JAKMIP2: variants seen among roughly 807,000 people sequenced by gnomAD.
The protein encoded by JAKMIP2 is janus kinase and microtubule-interacting protein 2.
JAKMIP2 carries 25 observed loss-of-function variants against 115.0 expected under a neutral mutation model. The ratio of observed to expected loss-of-function variants is 0.22; its 90% CI spans 0.16 to 0.30. JAKMIP2 has a LOEUF of 0.30. JAKMIP2 is among the 10% of genes least tolerant of loss of function. The pLI is 1.00. For synonymous variants in JAKMIP2, 334 were observed against 343.6 expected, an observed-to-expected ratio of 0.97 and a Z score of 0.31; for missense variants, 642 against 957.6, an observed-to-expected ratio of 0.67 and a Z score of 4.35.
At chr5:147,770,706 G>T (rs933111638) in intron 1 of JAKMIP2, among the ~76,000 whole-genome samples, 1 of 151,922 alleles carries the variant, frequency 6.6e-6, no homozygotes, top group African/African-American at 2.4e-5. Flanking sequence ...TGGAGGAAAA[G>T]AAAATGTTTA....
chr5:147,639,801 G>A (rs750551746), intron 9 of JAKMIP2, 41 bp from the exon 10 acceptor site: 4 of 1,595,940 alleles, frequency 2.5e-6, no homozygotes, highest in East Asian at 2.2e-5. Context: ...ATTGTGTTAT[G>A]TTCAGGTCCT....
intron 1 of JAKMIP2, among the ~76,000 whole-genome samples, chr5:147,701,668 C>G (rs1752330092): frequency 6.6e-6 from 1 of 152,128 alleles, no homozygotes. Flanking sequence ...TCACACAGCA[C>G]CAAATTTGAA....
In JAKMIP2 at chr5:147,590,920, A is replaced by T. The variant is rs560184038; in HGVS notation, c.*787T>A. On this transcript the variant is annotated 3_prime_UTR_variant, in exon 22 of 22. Coordinates refer to ENST00000616793, the MANE Select transcript of JAKMIP2 (RefSeq NM_001270941.2). ...AGCATCGAATCTGCTTTTATTTCAC[A>T]TGTCACATTCGCTCGGGTCCTTTGA... 4 of 152,464 alleles carry T rather than the reference A, an allele frequency of 2.6e-5. No individual in the cohort carries two copies. In the South Asian group the frequency reaches 8.3e-4, roughly 32 times the overall value. The allele number at this position is 152,464 out of a possible 1,614,324, so 9.4% of individuals were successfully genotyped here. A position where few individuals can be genotyped will look rare whatever the true frequency, so the allele number is the denominator to read the frequency against.
chr5:147,743,278 T>C (rs1288823154), intron 1 of JAKMIP2, among the ~76,000 whole-genome samples: 5 of 152,194 alleles, frequency 3.3e-5, no homozygotes, highest in African/African-American at 1.2e-4. Flanking sequence ...ATAAAACTTA[T>C]CCACTTAATT....
intron 1 of JAKMIP2, among the ~76,000 whole-genome samples, chr5:147,721,395 C>T (rs1412637632): frequency 1.3e-5 from 2 of 152,256 alleles, no homozygotes; most frequent in African/African-American, 4.8e-5. Context: ...AGCTTCGAGG[C>T]TGCTTTGTTT....
At chr5:147,739,291 C>T (rs1754050492) in intron 1 of JAKMIP2, among the ~76,000 whole-genome samples, 1 of 152,118 alleles carries the variant, frequency 6.6e-6, no homozygotes, top group South Asian at 2.1e-4. Flanking sequence ...AGGGTAACTG[C>T]ATTCTCTCTC....
intron 12 of JAKMIP2, among the ~76,000 whole-genome samples, 187 bp from the exon 13 acceptor site, chr5:147,632,965 T>C (rs1240288754): frequency 6.6e-6 from 1 of 152,180 alleles, no homozygotes; most frequent in African/African-American, 2.4e-5. Context: ...CGGTTGAGTT[T>C]TTTGAGTCAC....
intron 1 of JAKMIP2, among the ~76,000 whole-genome samples, chr5:147,693,967 TG>T (rs1283031962): frequency 6.6e-6 from 1 of 152,216 alleles, no homozygotes; most frequent in African/African-American, 2.4e-5. Flanking sequence ...ACTTGGTTGT[TG>T]AAGTTCCAGA....
chr5:147,678,164 C>T (rs1157418710), intron 1 of JAKMIP2, among the ~76,000 whole-genome samples: 1 of 152,090 alleles, frequency 6.6e-6, no homozygotes, highest in Admixed American at 6.5e-5. Flanking sequence ...CCACCACTCT[C>T]GGCTAATTTT....
At chr5:147,594,868 T>C (rs1233196308) in intron 21 of JAKMIP2, among the ~76,000 whole-genome samples, 1 of 152,168 alleles carries the variant, frequency 6.6e-6, no homozygotes, top group African/African-American at 2.4e-5. Flanking sequence ...TATTAAATAA[T>C]TGGTCCATAA....
At chr5:147,764,737 T>TC (rs2127056183) in intron 1 of JAKMIP2, among the ~76,000 whole-genome samples, 1 of 150,850 alleles carries the variant, frequency 6.6e-6, no homozygotes, top group Non-Finnish European at 1.5e-5. Flanking sequence ...ACTGCAAAAA[T>TC]TAGCTGGGCA....
At chr5:147,770,576 A>G (rs1755315636) in intron 1 of JAKMIP2, among the ~76,000 whole-genome samples, 1 of 152,170 alleles carries the variant, frequency 6.6e-6, no homozygotes, top group African/African-American at 2.4e-5. Context: ...CACGTAAATG[A>G]TAAGACCACA....
intron 1 of JAKMIP2, among the ~76,000 whole-genome samples, chr5:147,693,182 A>C (rs966489909): frequency 6.6e-6 from 1 of 152,212 alleles, no homozygotes; most frequent in Non-Finnish European, 1.5e-5. Flanking sequence ...AGAACTCTGG[A>C]GTCAGACCCT....
At chr5:147,764,916 AAGAAAGAGAG>A (rs1378267587) in intron 1 of JAKMIP2, among the ~76,000 whole-genome samples, 12 of 84,462 alleles carry the variant, frequency 1.4e-4, no homozygotes, top group Admixed American at 6.3e-4. Context: ...GAAAGAAAGA[AAGAAAGAGAG>A]AGAGAGAGAG....
chr5:147,604,868 C>T (rs1581271709), intron 20 of JAKMIP2, among the ~76,000 whole-genome samples: 2 of 151,028 alleles, frequency 1.3e-5, no homozygotes, highest in East Asian at 3.9e-4. Flanking sequence ...GATATATGCG[C>T]AGAACGTGCA....
intron 1 of JAKMIP2, among the ~76,000 whole-genome samples, chr5:147,710,787 T>G (rs1019305325): frequency 1.3e-5 from 2 of 152,116 alleles, no homozygotes; most frequent in African/African-American, 4.8e-5. Flanking sequence ...AAATGATAGA[T>G]GTGATGGGAA....
intron 20 of JAKMIP2, among the ~76,000 whole-genome samples, chr5:147,607,696 G>A (rs1361926104): frequency 6.6e-6 from 1 of 152,194 alleles, no homozygotes; most frequent in Non-Finnish European, 1.5e-5. Context: ...CATAAAATGA[G>A]TTAGGGAGAA....
intron 1 of JAKMIP2, among the ~76,000 whole-genome samples, chr5:147,736,439 C>T (rs1014057575): frequency 6.6e-6 from 1 of 151,962 alleles, no homozygotes; most frequent in Non-Finnish European, 1.5e-5. Flanking sequence ...GCCTGGGTGA[C>T]AGAGAAAGAC....
At chr5:147,676,068 T>C (rs1032731191) in intron 1 of JAKMIP2, among the ~76,000 whole-genome samples, 1 of 152,154 alleles carries the variant, frequency 6.6e-6, no homozygotes, top group Non-Finnish European at 1.5e-5. Flanking sequence ...GTGCGGTGGC[T>C]CACGCCTGCA....
Sources: allele counts gnomAD v4.1 joint callset (sites outside exome capture counted in the v4.1 genomes callset), GRCh38; gene constraint gnomAD v4.1.1; transcripts MANE v1.5; gene names NCBI Gene and HGNC (gene_info 2026-07-23, HGNC 2026-07-21).